The following WWC2 variants were observed in gnomAD, a reference collection of about 807,000 sequenced individuals.
WWC2 encodes protein WWC2.
A neutral mutation model predicts 138.5 loss-of-function variants in WWC2; 101 were observed. The observed-to-expected ratio is 0.73, with a 90% CI of 0.62 to 0.86. The LOEUF (loss-of-function observed/expected upper bound fraction) is 0.86, where lower values mean the gene tolerates loss of function less well. Among genes scored for constraint, WWC2 ranks in the 40% least tolerant of loss-of-function variants. WWC2 has a pLI of 0.00. For missense variants in WWC2, 1,420 were observed against 1,419.4 expected (o/e 1.00, Z -0.01); for synonymous variants, 558 against 538.4 (o/e 1.04, Z -0.50).
chr4:183,249,920 A>G lies in WWC2; in HGVS notation c.880A>G (p.Ile294Val), dbSNP rs1736918397. 6.2e-7 allele frequency: 1 copy of G among 1,612,936 alleles called. No individual in the cohort carries two copies. Among genetic ancestry groups the G allele is most frequent in the Non-Finnish European group, 8.5e-7 (1 of 1,179,426 alleles). ...TTTTTCCTTTTTCTTTTTCCACTAG[A>G]TTGGAGTAAGAAGTAGATCAAATTT... The part of the protein sequence containing the change: ...AGSQTSISGD[I>V]GVRSRSNLAE... The change falls in exon 8 of 23, where the codon ATT (isoleucine) becomes GTT (valine). Residue 294 changes from isoleucine (I) to valine (V), a missense_variant and splice_region_variant. Coordinates refer to ENST00000403733, the MANE Select transcript of WWC2 (RefSeq NM_024949.6).
At chr4:183,105,727 A>G (rs1743331291) in intron 1 of WWC2, among the ~76,000 whole-genome samples, 1 of 152,066 alleles carries the variant, frequency 6.6e-6, no homozygotes, top group Admixed American at 6.5e-5. Context: ...TGTCTCTACT[A>G]AAAATACAAA....
intron 21 of WWC2, among the ~76,000 whole-genome samples, chr4:183,291,537 C>G (rs1264476492): frequency 6.6e-6 from 1 of 152,146 alleles, no homozygotes; most frequent in Non-Finnish European, 1.5e-5. Flanking sequence ...GGAGAAGCAT[C>G]ACAGTCTTTG....
chr4:183,270,942 T>G (rs554891640), intron 15 of WWC2, 138 bp from the exon 16 acceptor site: 351 of 758,356 alleles, frequency 4.6e-4, no homozygotes, highest in Middle Eastern at 2.1e-3. Context: ...AGCAATGCTT[T>G]ATGTCAGGAG....
At chr4:183,286,917 A>C (rs1443191515) in intron 20 of WWC2, among the ~76,000 whole-genome samples, 1 of 152,108 alleles carries the variant, frequency 6.6e-6, no homozygotes, top group Non-Finnish European at 1.5e-5. Flanking sequence ...CTTGAATACA[A>C]TTTCAAAAAG....
intron 4 of WWC2, among the ~76,000 whole-genome samples, chr4:183,228,630 GTTTCCCACCT>G (rs1560854400): frequency 6.6e-6 from 1 of 152,106 alleles, no homozygotes; most frequent in African/African-American, 2.4e-5. Flanking sequence ...CAACAAAGCT[GTTTCCCACCT>G]TTCAGAAAAG....
chr4:183,278,246 A>G (rs1737935937), intron 16 of WWC2, among the ~76,000 whole-genome samples: 1 of 152,072 alleles, frequency 6.6e-6, no homozygotes, highest in South Asian at 2.1e-4. Context: ...TCCTTTCCCC[A>G]TTTCTTGTTT....
intron 21 of WWC2, among the ~76,000 whole-genome samples, chr4:183,290,712 C>T (rs538441332): frequency 7.2e-5 from 11 of 152,284 alleles, no homozygotes; most frequent in African/African-American, 2.4e-4. Context: ...AGCTGAAATA[C>T]TAATATTACA....
chr4:183,164,426 A>T (rs1580003579), intron 1 of WWC2, among the ~76,000 whole-genome samples: 1 of 141,254 alleles, frequency 7.1e-6, no homozygotes, highest in African/African-American at 2.6e-5. Flanking sequence ...ATATATTTTT[A>T]TATATATTTT....
At chr4:183,205,945 C>A (rs1735435176) in intron 2 of WWC2, among the ~76,000 whole-genome samples, 1 of 152,082 alleles carries the variant, frequency 6.6e-6, no homozygotes. Context: ...TTCTTGTGAC[C>A]CCTGTGCAAA....
chr4:183,141,602 G>A (rs1056161917), intron 1 of WWC2, among the ~76,000 whole-genome samples: 2 of 152,096 alleles, frequency 1.3e-5, no homozygotes, highest in Non-Finnish European at 1.5e-5. Context: ...TTATTACCAA[G>A]TGGCTAGATT....
chr4:183,154,024 A>AG (rs1733724872), intron 1 of WWC2, among the ~76,000 whole-genome samples: 3 of 149,994 alleles, frequency 2.0e-5, no homozygotes, highest in African/African-American at 7.4e-5. Flanking sequence ...AAAAAAAAAA[A>AG]AAAACCCCAA....
chr4:183,132,629 A>G (rs1732962189), intron 1 of WWC2, among the ~76,000 whole-genome samples: 1 of 151,438 alleles, frequency 6.6e-6, no homozygotes, highest in Non-Finnish European at 1.5e-5. Flanking sequence ...AATTTTTTGT[A>G]TTTTTAGTAG....
At chr4:183,107,717 T>G (rs1732081286) in intron 1 of WWC2, among the ~76,000 whole-genome samples, 1 of 152,162 alleles carries the variant, frequency 6.6e-6, no homozygotes, top group Admixed American at 6.6e-5. Context: ...CCTATCTGAT[T>G]GCTTTGAGTG....
At chr4:183,211,290 G>A (rs1280462981) in intron 4 of WWC2, among the ~76,000 whole-genome samples, 1 of 152,126 alleles carries the variant, frequency 6.6e-6, no homozygotes, top group Non-Finnish European at 1.5e-5. Flanking sequence ...ACCAGCCTGG[G>A]CATCATAACG....
chr4:183,201,878 G>A (rs1354739391), intron 2 of WWC2, among the ~76,000 whole-genome samples: 1 of 152,130 alleles, frequency 6.6e-6, no homozygotes, highest in Non-Finnish European at 1.5e-5. Context: ...TTATACCCAG[G>A]ATTTAATTTA....
At chr4:183,170,280 G>T (rs1734240848) in intron 1 of WWC2, among the ~76,000 whole-genome samples, 1 of 152,106 alleles carries the variant, frequency 6.6e-6, no homozygotes, top group African/African-American at 2.4e-5. Flanking sequence ...AGTCACAATG[G>T]GGGACCAGCT....
At chr4:183,243,409 A>C (rs975674295) in intron 5 of WWC2, among the ~76,000 whole-genome samples, 4 of 152,188 alleles carry the variant, frequency 2.6e-5, no homozygotes, top group African/African-American at 9.7e-5. Flanking sequence ...CTATATTTGG[A>C]AATATCATTT....
At chr4:183,174,939 T>C (rs1007921638) in intron 1 of WWC2, among the ~76,000 whole-genome samples, 4 of 152,154 alleles carry the variant, frequency 2.6e-5, no homozygotes, top group African/African-American at 7.2e-5. Context: ...GGTACAGATA[T>C]TATGACCCGT....
intron 1 of WWC2, among the ~76,000 whole-genome samples, chr4:183,124,082 T>C (rs1228408765): frequency 1.3e-5 from 2 of 152,194 alleles, no homozygotes; most frequent in Admixed American, 6.5e-5. Context: ...TATGAGATCT[T>C]GTACTTTTTC....
Sources: allele counts gnomAD v4.1 joint callset (sites outside exome capture counted in the v4.1 genomes callset), GRCh38; gene constraint gnomAD v4.1.1; transcripts MANE v1.5; gene names NCBI Gene and HGNC (gene_info 2026-07-23, HGNC 2026-07-21).